The following PKIB variants were observed in gnomAD, a reference collection of about 807,000 sequenced individuals.
The protein encoded by PKIB is PKI-beta.
In PKIB, 2 loss-of-function variants were observed where a neutral mutation model predicts 4.5. That is an observed-to-expected ratio of 0.44 (90% CI 0.18 to 1.39). The LOEUF (loss-of-function observed/expected upper bound fraction) is 1.39, where lower values mean the gene tolerates loss of function less well. PKIB is among the 40% of genes most tolerant of loss of function. The pLI is 0.27. For synonymous variants in PKIB, 38 were observed against 36.0 expected (o/e 1.06, Z -0.20); for missense variants, 94 against 92.6 (o/e 1.02, Z -0.06).
intron 3 of PKIB, among the ~76,000 whole-genome samples, chr6:122,711,880 A>G (rs1051443017): frequency 2.6e-5 from 4 of 152,176 alleles, no homozygotes; most frequent in African/African-American, 9.6e-5. Context: ...GTGCCTACCA[A>G]TGTATATTGA....
In PKIB at chr6:122,716,298, A is replaced by T. The variant is rs371322769; in HGVS notation, c.-8-1489A>T. Among the ~76,000 whole-genome samples, 38 of 152,282 alleles carry T rather than the reference A, an allele frequency of 2.5e-4. No homozygotes were observed. In the Middle Eastern group the frequency reaches 0.031, roughly 123 times the overall value. ...CCCGTTATATAGGGGAGGAACTGTG[A>T]CTCAGAGAAATTAAATGGATTGAAC... On this transcript the variant is annotated intron_variant, in intron 3 of 4. Transcript: ENST00000368452.
chr6:122,509,639 G>A (rs1452168727), intron 2 of PKIB, among the ~76,000 whole-genome samples: 2 of 151,838 alleles, frequency 1.3e-5, no homozygotes, highest in African/African-American at 4.8e-5. Flanking sequence ...CACCATGTTA[G>A]CCAGGATGGT....
intron 3 of PKIB, among the ~76,000 whole-genome samples, chr6:122,698,829 A>G (rs1170959236): frequency 2.6e-5 from 4 of 152,230 alleles, no homozygotes; most frequent in Non-Finnish European, 4.4e-5. Context: ...TTGGACTTGT[A>G]TTAACCTTGT....
chr6:122,702,955 T>C (rs528031797), intron 3 of PKIB, among the ~76,000 whole-genome samples: 1 of 152,306 alleles, frequency 6.6e-6, no homozygotes, highest in Admixed American at 6.5e-5. Flanking sequence ...TTCTCCTCCA[T>C]TTTTCATTTG....
chr6:122,686,252 A>C (rs1207303885), intron 3 of PKIB, among the ~76,000 whole-genome samples: 3 of 152,130 alleles, frequency 2.0e-5, no homozygotes, highest in Non-Finnish European at 4.4e-5. Flanking sequence ...GTGATTGTAC[A>C]AATTTACATT....
At chr6:122,708,131 G>A (rs4945706) in intron 3 of PKIB, among the ~76,000 whole-genome samples, 49,122 of 151,924 alleles carry the variant, frequency 0.32, 9,164 homozygotes, top group South Asian at 0.56. Context: ...CAGACAATAA[G>A]CAACAACTGC....
At chr6:122,684,520 T>C (rs1778021157) in intron 3 of PKIB, among the ~76,000 whole-genome samples, 1 of 152,138 alleles carries the variant, frequency 6.6e-6, no homozygotes, top group African/African-American at 2.4e-5. Context: ...TGTCCACTAG[T>C]AATCTGATGT....
chr6:122,531,152 G>T (rs1777243983), intron 2 of PKIB: 1 of 152,116 alleles, frequency 6.6e-6, no homozygotes, highest in African/African-American at 2.4e-5. Context: ...TACAAAAATT[G>T]AATTATTGCC....
At chr6:122,686,424 T>G (rs952614116) in intron 3 of PKIB, among the ~76,000 whole-genome samples, 3 of 152,130 alleles carry the variant, frequency 2.0e-5, no homozygotes, top group Admixed American at 2.0e-4. Flanking sequence ...CACCATTTCT[T>G]ATACCTGTTT....
intron 1 of PKIB, among the ~76,000 whole-genome samples, chr6:122,476,238 A>T (rs1179715845): frequency 6.6e-6 from 1 of 152,210 alleles, no homozygotes; most frequent in Non-Finnish European, 1.5e-5. Context: ...TTTATCCTAA[A>T]TTAGTTATAT....
At chr6:122,576,689 A>ATATATATATAT (rs1554221325) in intron 2 of PKIB, among the ~76,000 whole-genome samples, 1 of 34,316 alleles carries the variant, frequency 2.9e-5, no homozygotes, top group Non-Finnish European at 4.7e-5. Context: ...AAAAAAAAAA[A>ATATATATATAT]ATATATATAT....
intron 2 of PKIB, among the ~76,000 whole-genome samples, chr6:122,576,710 A>ATATATAT (rs59569106): frequency 0.061 from 6,649 of 109,268 alleles, 297 homozygotes; most frequent in Non-Finnish European, 0.089. Flanking sequence ...ATATATATAT[A>ATATATAT]TTTTCTTTTG....
At chr6:122,679,966 AC>A (rs1777831758) in intron 3 of PKIB, among the ~76,000 whole-genome samples, 1 of 152,186 alleles carries the variant, frequency 6.6e-6, no homozygotes, top group African/African-American at 2.4e-5. Flanking sequence ...AAACCAAACC[AC>A]ATGTACCTTC....
intron 1 of PKIB, among the ~76,000 whole-genome samples, chr6:122,626,002 A>C (rs1017054346): frequency 5.3e-5 from 8 of 152,054 alleles, no homozygotes; most frequent in Admixed American, 2.6e-4. Flanking sequence ...CCAGAAGGTC[A>C]AGCCTGCAGT....
intron 1 of PKIB, among the ~76,000 whole-genome samples, chr6:122,616,578 T>G (rs1774999082): frequency 6.6e-6 from 1 of 152,168 alleles, no homozygotes; most frequent in Non-Finnish European, 1.5e-5. Context: ...GAGAGGCTGT[T>G]AAGTATAGAA....
At chr6:122,537,431 T>G (rs1182959995) in intron 2 of PKIB, among the ~76,000 whole-genome samples, 1 of 152,068 alleles carries the variant, frequency 6.6e-6, no homozygotes, top group Non-Finnish European at 1.5e-5. Flanking sequence ...GTGAGAACAT[T>G]TTGGTTTTTT....
intron 3 of PKIB, among the ~76,000 whole-genome samples, chr6:122,703,922 G>GTATATATATATA (rs151131565): frequency 2.2e-5 from 3 of 133,452 alleles, no homozygotes; most frequent in Non-Finnish European, 1.6e-5. Flanking sequence ...ATATATGTGT[G>GTATATATATATA]TATATATATA....
intron 2 of PKIB, among the ~76,000 whole-genome samples, chr6:122,582,578 G>C (rs564774000): frequency 6.6e-6 from 1 of 152,208 alleles, no homozygotes; most frequent in Non-Finnish European, 1.5e-5. Context: ...GGTATTATCT[G>C]ATGGAGGGGC....
intron 2 of PKIB, among the ~76,000 whole-genome samples, chr6:122,550,991 G>T (rs1363341411): frequency 1.3e-5 from 2 of 152,150 alleles, no homozygotes; most frequent in Non-Finnish European, 2.9e-5. Context: ...AGAGAGCAGT[G>T]GTGTTGAGAT....
Sources: allele counts gnomAD v4.1 joint callset (sites outside exome capture counted in the v4.1 genomes callset), GRCh38; gene constraint gnomAD v4.1.1; transcripts MANE v1.5; gene names NCBI Gene and HGNC (gene_info 2026-07-23, HGNC 2026-07-21).